TOPAZ1: variants seen among roughly 807,000 people sequenced by gnomAD.
TOPAZ1 encodes the protein testis and ovary specific TOPAZ 1.
A neutral mutation model predicts 172.2 loss-of-function variants in TOPAZ1; 66 were observed. The ratio of observed to expected loss-of-function variants is 0.38; its 90% CI spans 0.31 to 0.47. The LOEUF is 0.47. Ranked by LOEUF, TOPAZ1 falls within the 20% of genes least tolerant of loss-of-function variation. The pLI, the probability that TOPAZ1 is intolerant of heterozygous loss-of-function variation, is 0.99. For missense variants in TOPAZ1, 1,822 were observed against 1,972.4 expected, an observed-to-expected ratio of 0.92 and a Z score of 1.44; for synonymous variants, 681 against 683.9, an observed-to-expected ratio of 1.00 and a Z score of 0.07.
rs113278506 is a variant in TOPAZ1 at position 44,249,700 on chromosome 3, A to C, written c.2765+4429A>C. On this transcript the variant is annotated intron_variant, in intron 2 of 19. Transcript: ENST00000309765. The stretch of plus-strand genomic sequence containing the variant: ...CCAGTCCCTCATATATTGAGATGGG[A>C]AAGAGAATTAAGGTTTCAATTCCTA... Among the ~76,000 whole-genome samples the C allele has an allele frequency of 1.9e-3, 290 of 152,302 alleles. 1 individual carries two copies. Among genetic ancestry groups the C allele is most frequent in the Middle Eastern group, 0.017 (5 of 294 alleles).
chr3:44,309,126 G>C (rs530787495), intron 15 of TOPAZ1, among the ~76,000 whole-genome samples: 1 of 152,300 alleles, frequency 6.6e-6, no homozygotes, highest in South Asian at 2.1e-4. Flanking sequence ...CCATTTACAG[G>C]AAAAGCTTGC....
chr3:44,324,870 T>A (rs2125706010), intron 18 of TOPAZ1, among the ~76,000 whole-genome samples: 1 of 152,308 alleles, frequency 6.6e-6, no homozygotes, highest in Non-Finnish European at 1.5e-5. Context: ...TTTTTAGCAG[T>A]GTGTTAAAGC....
Position 44,243,814 on chromosome 3 carries a change from T to A in TOPAZ1, c.1308T>A (p.Gly436=), listed in dbSNP as rs1201367842. ...CAGAGAATGCTTCAGAGCCGTTAGG[T>A]TATGAAAGCATGGCATCGAAAGAGG... The part of the protein sequence containing the change: ...EETENASEPL[G]YESMASKEDF... The change falls in exon 2 of 20, where the codon GGT becomes GGA. Residue 436 remains glycine (G), a synonymous_variant. Transcript: ENST00000309765. 7 of 1,551,562 alleles carry A rather than the reference T, an allele frequency of 4.5e-6. No individual in the cohort carries two copies. The highest frequency in any genetic ancestry group is 6.1e-6 in the Non-Finnish European group (7 of 1,146,998).
At chr3:44,318,769 T>A (rs879532786) in intron 16 of TOPAZ1, among the ~76,000 whole-genome samples, 59 of 147,660 alleles carry the variant, frequency 4.0e-4, no homozygotes, top group African/African-American at 9.3e-4. Flanking sequence ...AAAAAAAAAA[T>A]ATATATATGT....
intron 12 of TOPAZ1, among the ~76,000 whole-genome samples, chr3:44,295,096 A>C (rs1247543426): frequency 2.6e-5 from 4 of 152,100 alleles, no homozygotes; most frequent in Admixed American, 2.6e-4. Flanking sequence ...CGTTTTTTAG[A>C]ATTCCATTCT....
At chr3:44,270,619 T>G in intron 7 of TOPAZ1, 66 bp from the exon 8 acceptor site, 3 of 1,188,812 alleles carry the variant, frequency 2.5e-6, no homozygotes, top group Non-Finnish European at 3.3e-6. Flanking sequence ...CTTCAAATGC[T>G]GTCTTGCTTA....
intron 12 of TOPAZ1, among the ~76,000 whole-genome samples, chr3:44,302,326 C>T (rs1575728442): frequency 6.6e-6 from 1 of 152,264 alleles, no homozygotes; most frequent in South Asian, 2.1e-4. Flanking sequence ...AGGAGAATGG[C>T]GTGAACCCAG....
At chr3:44,298,244 A>T (rs1426146165) in intron 12 of TOPAZ1, among the ~76,000 whole-genome samples, 1 of 152,198 alleles carries the variant, frequency 6.6e-6, no homozygotes, top group Non-Finnish European at 1.5e-5. Flanking sequence ...CAGGCAGATT[A>T]CTTAAGCCCA....
chr3:44,312,693 A>G (rs1700409273), intron 16 of TOPAZ1, among the ~76,000 whole-genome samples: 1 of 152,194 alleles, frequency 6.6e-6, no homozygotes. Context: ...CCCAAAACCA[A>G]CATAAAAAAG....
At chr3:44,253,152 T>A (rs9835626) in intron 2 of TOPAZ1, among the ~76,000 whole-genome samples, 72,565 of 151,978 alleles carry the variant, frequency 0.48, 18,202 homozygotes, top group East Asian at 0.81. Context: ...TACCTTCTGG[T>A]TTGCAAAGCT....
At chr3:44,290,960 C>A in intron 12 of TOPAZ1, 74 bp downstream of exon 12, 1 of 906,864 alleles carries the variant, frequency 1.1e-6, no homozygotes, top group Admixed American at 2.8e-5. Context: ...GAAGGCAAAG[C>A]TCTAATAACT....
rs1333415640 is a variant in TOPAZ1, at chr3:44,244,969, C to A, written c.2463C>A (p.Phe821Leu). 12 of 1,551,604 alleles carry A rather than the reference C, an allele frequency of 7.7e-6. No individual in the cohort carries two copies. The highest frequency in any genetic ancestry group is 1.0e-5 in the Non-Finnish European group (12 of 1,147,014). ...GGTATGTAGAGAAAAGTCCTTCCTT[C>A]TGCTGTAATGAACAAGAAACATTCC... ...DPGYVEKSPS[F>L]CCNEQETFRP... Residue 821 changes from phenylalanine to leucine, a missense_variant, in exon 2 of 20, where the codon TTC (phenylalanine) becomes TTA (leucine). Coordinates refer to ENST00000309765, the MANE Select transcript of TOPAZ1 (RefSeq NM_001145030.2).
At chr3:44,329,444 G>A (rs1177452630) in intron 19 of TOPAZ1, among the ~76,000 whole-genome samples, 1 of 152,184 alleles carries the variant, frequency 6.6e-6, no homozygotes, top group Non-Finnish European at 1.5e-5. Flanking sequence ...GTGTCTTCAT[G>A]ACATGACTGA....
At chr3:44,275,270 T>A (rs898461900) in intron 8 of TOPAZ1, among the ~76,000 whole-genome samples, 2 of 152,016 alleles carry the variant, frequency 1.3e-5, no homozygotes, top group Non-Finnish European at 2.9e-5. Flanking sequence ...ACTATAGTCA[T>A]CCTACACTGC....
At chr3:44,257,469 AGTGTGTGTGTGTGTGTGTGTGTGT>A (rs10523650) in intron 4 of TOPAZ1, among the ~76,000 whole-genome samples, 64,686 of 113,624 alleles carry the variant, frequency 0.57, 16,200 homozygotes, top group East Asian at 0.81. Flanking sequence ...ATATATATAT[AGTGTGTGTGTGTGTGTGTGTGTGT>A]GTGTGTGTGT....
chr3:44,302,774 G>A (rs1700290503), intron 12 of TOPAZ1, among the ~76,000 whole-genome samples: 1 of 152,126 alleles, frequency 6.6e-6, no homozygotes, highest in South Asian at 2.1e-4. Flanking sequence ...TATTTTGGGT[G>A]CTATTGTGAA....
intron 12 of TOPAZ1, among the ~76,000 whole-genome samples, chr3:44,298,449 C>T (rs1407414476): frequency 6.6e-6 from 1 of 151,946 alleles, no homozygotes; most frequent in Admixed American, 6.6e-5. Context: ...CAGATAGAGA[C>T]CCTGTCTCAA....
intron 8 of TOPAZ1, among the ~76,000 whole-genome samples, chr3:44,273,335 G>A (rs1699918208): frequency 6.6e-6 from 1 of 152,156 alleles, no homozygotes; most frequent in Non-Finnish European, 1.5e-5. Flanking sequence ...TTACATGGTG[G>A]TAAAAGGCTA....
Position 44,306,372 on chromosome 3 carries a change from A to G in TOPAZ1, c.4086A>G (p.Gly1362=). ...QNSKVDKGVL[G]RIGISAMYFY... ...GTAAAGTAGATAAAGGTGTACTGGG[A>G]AGAATTGGAATCAGTGCTATGTACT... Residue 1362 remains glycine, a synonymous_variant, in exon 15 of 20, where the codon GGA becomes GGG. Coordinates refer to ENST00000309765, the MANE Select transcript of TOPAZ1 (RefSeq NM_001145030.2). The G allele has an allele frequency of 1.3e-6, 2 of 1,549,146 alleles. No homozygotes were observed. Among genetic ancestry groups the G allele is most frequent in the South Asian group, 1.2e-5 (1 of 83,718 alleles).
Sources: gnomAD v4.1 joint callset for allele counts (sites outside exome capture counted in the v4.1 genomes callset) on GRCh38, gnomAD v4.1.1 for gene constraint, MANE v1.5 for transcripts, NCBI Gene and HGNC (gene_info 2026-07-23, HGNC 2026-07-21) for gene names.